Variants in KCNN3 observed in about 807,000 individuals in gnomAD.
The protein encoded by KCNN3 is potassium calcium-activated channel subfamily N member 3.
In KCNN3, 16 loss-of-function variants were observed where a neutral mutation model predicts 62.9. That is an observed-to-expected ratio of 0.25 (90% CI 0.17 to 0.39). The LOEUF (loss-of-function observed/expected upper bound fraction) is 0.39. Among genes scored for constraint, KCNN3 ranks in the 10% least tolerant of loss-of-function variants. KCNN3 has a pLI of 1.00. For missense variants in KCNN3, 599 were observed against 949.4 expected (o/e 0.63, Z 4.85); for synonymous variants, 370 against 389.2 (o/e 0.95, Z 0.58).
At chr1:154,722,325 C>T (rs775457880) in intron 5 of KCNN3, among the ~76,000 whole-genome samples, 16 of 151,952 alleles carry the variant, frequency 1.1e-4, no homozygotes, top group Non-Finnish European at 1.9e-4. Context: ...CAGTCAACTC[C>T]TTCATGTTGG....
Position 154,830,011 on chromosome 1 carries a change from G to A in KCNN3, c.934-7827C>T, listed in dbSNP as rs115233701. Among the ~76,000 whole-genome samples the A allele has an allele frequency of 3.9e-3, 596 of 152,226 alleles. 7 individuals carry two copies. The highest frequency in any genetic ancestry group is 0.013 in the African/African-American group (560 of 41,522). Reference sequence around the variant, plus strand: ...TTTACATTGCATTTGTTCACTCCTAGAGCCCCATGCCTAGAACACTGGTCT... The same window carrying A: ...TTTACATTGCATTTGTTCACTCCTAAAGCCCCATGCCTAGAACACTGGTCT... On this transcript the variant is annotated intron_variant, in intron 1 of 7. Transcript: ENST00000271915.
intron 3 of KCNN3, among the ~76,000 whole-genome samples, chr1:154,734,840 G>T (rs887929711): frequency 6.6e-6 from 1 of 152,232 alleles, no homozygotes; most frequent in Admixed American, 6.5e-5. Context: ...GACACTGGGT[G>T]ACTTGCCTAA....
intron 1 of KCNN3, among the ~76,000 whole-genome samples, chr1:154,825,468 C>T (rs1164583137): frequency 6.6e-6 from 1 of 150,432 alleles, no homozygotes; most frequent in Non-Finnish European, 1.5e-5. Flanking sequence ...CGGGTTCATG[C>T]CATTCTCCTG....
intron 2 of KCNN3, among the ~76,000 whole-genome samples, chr1:154,816,337 C>T (rs1200235059): frequency 6.6e-6 from 1 of 152,178 alleles, no homozygotes; most frequent in African/African-American, 2.4e-5. Flanking sequence ...GGCCAAGAAC[C>T]ACAATTTGAA....
chr1:154,854,480 G>A (rs1457635638), intron 1 of KCNN3, among the ~76,000 whole-genome samples: 1 of 152,146 alleles, frequency 6.6e-6, no homozygotes, highest in African/African-American at 2.4e-5. Flanking sequence ...TATCTTGGAG[G>A]GAAGAGGCTC....
rs568981280 is a variant in KCNN3 at position 154,706,153 on chromosome 1, G to C, written c.*1823C>G. The C allele has an allele frequency of 2.0e-4, 30 of 152,356 alleles. No homozygotes were observed. Among genetic ancestry groups the C allele is most frequent in the African/African-American group, 3.6e-4 (15 of 41,570 alleles). The allele number at this position is 152,356 out of a possible 1,614,324, so 9.4% of individuals were successfully genotyped here. ...AAAGAGCAGCAGCAATAGCAAGAGAGAAAGAAGAGGGTTAGCAAGAGACTA... is the reference window on the plus strand; with the variant it reads ...AAAGAGCAGCAGCAATAGCAAGAGACAAAGAAGAGGGTTAGCAAGAGACTA... On this transcript the variant is annotated 3_prime_UTR_variant, in exon 8 of 8. Coordinates refer to ENST00000271915, the MANE Select transcript of KCNN3 (RefSeq NM_002249.6).
At chr1:154,834,710 T>C (rs1208640404) in intron 1 of KCNN3, among the ~76,000 whole-genome samples, 1 of 152,166 alleles carries the variant, frequency 6.6e-6, no homozygotes. Flanking sequence ...CACTTAATCC[T>C]CACAGGAAGG....
At chr1:154,744,388 TG>T (rs1258351210) in intron 3 of KCNN3, among the ~76,000 whole-genome samples, 1 of 152,226 alleles carries the variant, frequency 6.6e-6, no homozygotes. Flanking sequence ...GCGAAAAGAC[TG>T]GGACTGAAAC....
rs1392775101 is a variant in KCNN3, at chr1:154,702,819, T to A, written c.*5157A>T. The A allele has an allele frequency of 6.7e-6, 1 of 149,826 alleles. No individual in the cohort carries two copies. The highest frequency in any genetic ancestry group is 1.5e-5 in the Non-Finnish European group (1 of 67,568). 9.3% of individuals were successfully genotyped at this position (149,826 alleles called of 1,614,324 possible). A position where few individuals can be genotyped will look rare whatever the true frequency, so the allele number is the denominator to read the frequency against. On this transcript the variant is annotated 3_prime_UTR_variant, in exon 8 of 8. Transcript: ENST00000271915. ...CTAACTGCAGGTTGGAGTTGAATTTTGTGCTTTTCCTCCACCAGCTTGGTT... is the reference window on the plus strand; with the variant it reads ...CTAACTGCAGGTTGGAGTTGAATTTAGTGCTTTTCCTCCACCAGCTTGGTT...
intron 2 of KCNN3, among the ~76,000 whole-genome samples, chr1:154,786,832 T>G (rs547830971): frequency 4.4e-4 from 67 of 152,326 alleles, no homozygotes; most frequent in African/African-American, 1.6e-3. Context: ...AAAAACCCAA[T>G]AAAGTATTTT....
chr1:154,719,869 C>T (rs1700311422), intron 5 of KCNN3, among the ~76,000 whole-genome samples: 1 of 152,178 alleles, frequency 6.6e-6, no homozygotes, highest in Non-Finnish European at 1.5e-5. Flanking sequence ...CTGCCTGCCT[C>T]ACCCAGAGGC....
chr1:154,863,927 C>G (rs530082551), intron 1 of KCNN3, among the ~76,000 whole-genome samples: 1 of 152,170 alleles, frequency 6.6e-6, no homozygotes, highest in Non-Finnish European at 1.5e-5. Flanking sequence ...GTTAGCTGTC[C>G]CCCTGTGGGT....
chr1:154,859,815 A>C, intron 1 of KCNN3: 1 of 1,613,102 alleles, frequency 6.2e-7, no homozygotes, highest in South Asian at 1.1e-5. Flanking sequence ...CAGTCCCTGC[A>C]AGGAGTGTCC....
rs1054989669 is a variant in KCNN3 at position 154,809,183 on chromosome 1, G to A, written c.1029+12906C>T. On this transcript the variant is annotated intron_variant, in intron 2 of 7. Coordinates refer to ENST00000271915, the MANE Select transcript of KCNN3 (RefSeq NM_002249.6). This position sits in a 1 kb window ranked among gnomAD's most constrained non-coding sequence, Gnocchi z 4.3. Reference sequence around the variant, plus strand: ...ACGTGATCTCACCGAGTGACCAGGTGTACGGCTTCACCCGTCCATTTCACA... The same window carrying A: ...ACGTGATCTCACCGAGTGACCAGGTATACGGCTTCACCCGTCCATTTCACA... Among the ~76,000 whole-genome samples the A allele has an allele frequency of 6.6e-6, 1 of 152,226 alleles. No homozygotes were observed. Among genetic ancestry groups the A allele is most frequent in the African/African-American group, 2.4e-5 (1 of 41,448 alleles).
At chr1:154,846,342 G>T (rs763985910) in intron 1 of KCNN3, among the ~76,000 whole-genome samples, 4 of 152,188 alleles carry the variant, frequency 2.6e-5, no homozygotes, top group South Asian at 2.1e-4. Flanking sequence ...CCAAATCATC[G>T]CTGGCTTCTT....
At chr1:154,795,482 G>A (rs974422053) in intron 2 of KCNN3, among the ~76,000 whole-genome samples, 7 of 152,198 alleles carry the variant, frequency 4.6e-5, no homozygotes, top group South Asian at 2.1e-4. Flanking sequence ...CTGGAAGTAC[G>A]GTGGAAGCTG....
chr1:154,848,571 C>T (rs1024018961), intron 1 of KCNN3, among the ~76,000 whole-genome samples: 2 of 152,130 alleles, frequency 1.3e-5, no homozygotes, highest in African/African-American at 2.4e-5. Flanking sequence ...ACCAGCTTCA[C>T]GGGCAGGGGG....
intron 2 of KCNN3, among the ~76,000 whole-genome samples, chr1:154,799,875 G>C (rs771880160): frequency 5.8e-4 from 89 of 152,176 alleles, no homozygotes; most frequent in Non-Finnish European, 1.1e-3. Flanking sequence ...CTTTGTGCTG[G>C]GGCAACTGCA....
At chr1:154,805,812 G>A (rs75366493) in intron 2 of KCNN3, among the ~76,000 whole-genome samples, 2,563 of 152,208 alleles carry the variant, frequency 0.017, 67 homozygotes, top group African/African-American at 0.052. Context: ...CAGAATAATG[G>A]CCCCCCAAAA....
Sources: allele counts gnomAD v4.1 joint callset (sites outside exome capture counted in the v4.1 genomes callset), GRCh38; gene constraint gnomAD v4.1.1; non-coding constraint Gnocchi (gnomAD v3.1); transcripts MANE v1.5; gene names NCBI Gene and HGNC (gene_info 2026-07-23, HGNC 2026-07-21).